Variants in DTX2 observed in about 807,000 individuals in gnomAD.
DTX2 encodes deltex E3 ubiquitin ligase 2, also known as probable E3 ubiquitin-protein ligase DTX2.
A neutral mutation model predicts 55.3 loss-of-function variants in DTX2; 29 were observed. That is an observed-to-expected ratio of 0.52 (90% CI 0.39 to 0.71). The LOEUF is 0.71. DTX2 is among the 30% of genes least tolerant of loss of function. The probability of loss-of-function intolerance (pLI) is 0.00; values close to 1 mark genes in which losing one functional copy is unlikely to be tolerated. For missense variants in DTX2, 537 were observed against 822.5 expected (o/e 0.65, Z 4.25); for synonymous variants, 276 against 340.4 (o/e 0.81, Z 2.08).
chr7:76,468,198 CT>C (rs1283666295), intron 2 of DTX2, among the ~76,000 whole-genome samples: 1 of 152,272 alleles, frequency 6.6e-6, no homozygotes, highest in Non-Finnish European at 1.5e-5. Flanking sequence ...GGCATGCTGC[CT>C]GCTGTGCTGT....
rs1184465937 is a variant in DTX2 at position 76,502,475 on chromosome 7, G to A, written c.1389+19G>A. The A allele has an allele frequency of 6.2e-7, 1 of 1,607,440 alleles. No homozygotes were observed. Among genetic ancestry groups the A allele is most frequent in the Non-Finnish European group, 8.5e-7 (1 of 1,177,690 alleles). On this transcript the variant is annotated intron_variant, in intron 8 of 10. Coordinates refer to ENST00000430490, the MANE Select transcript of DTX2 (RefSeq NM_001102594.3). ...CAATAAGGTGCCCCCACTGGCCCAGGGCGGAGGCGGGTGGCCCGCCCCCAC... is the reference window on the plus strand; with the variant it reads ...CAATAAGGTGCCCCCACTGGCCCAGAGCGGAGGCGGGTGGCCCGCCCCCAC...
At chr7:76,486,895 T>TGCTGCTG (rs1809984778) in intron 4 of DTX2, among the ~76,000 whole-genome samples, 1 of 44,468 alleles carries the variant, frequency 2.2e-5, no homozygotes, top group African/African-American at 1.1e-4. Context: ...TGCCCTTGCC[T>TGCTGCTG]CTAAAAGAAC....
At chr7:76,503,910 G>C (rs1364356805) in intron 9 of DTX2, among the ~76,000 whole-genome samples, 2 of 148,816 alleles carry the variant, frequency 1.3e-5, no homozygotes, top group African/African-American at 4.9e-5. Context: ...ACCCTGCGGA[G>C]GGGCTGGAGA....
intron 1 of DTX2, among the ~76,000 whole-genome samples, chr7:76,463,149 G>C (rs1176703260): frequency 1.4e-5 from 2 of 148,058 alleles, no homozygotes; most frequent in African/African-American, 2.5e-5. Flanking sequence ...GTGGTGACTC[G>C]AGCCTATAAT....
intron 2 of DTX2, among the ~76,000 whole-genome samples, chr7:76,468,926 C>G (rs2116178715): frequency 8.3e-6 from 1 of 120,262 alleles, no homozygotes; most frequent in Admixed American, 8.7e-5. Context: ...CTACGCCTGG[C>G]TCATCTTTGT....
chr7:76,471,200 C>T lies in DTX2; in HGVS notation c.-90+7491C>T, dbSNP rs528453859. 4.5e-3 allele frequency: 2,412 copies of T among 536,128 alleles called. 5 individuals carry two copies. In the African/African-American group the frequency reaches 0.051, roughly 11 times the overall value. 33.2% of individuals were successfully genotyped at this position (536,128 alleles called of 1,614,324 possible). A position where few individuals can be genotyped will look rare whatever the true frequency, so the allele number is the denominator to read the frequency against. On this transcript the variant is annotated intron_variant, in intron 2 of 10. Transcript: ENST00000430490. ...TTTTTGAGACGGAGTCTTGCTCTGT[C>T]GCCCAGGCTGGAGTGCAGTGGCGCG...
chr7:76,477,744 G>A (rs1808706273), intron 2 of DTX2, among the ~76,000 whole-genome samples: 1 of 135,998 alleles, frequency 7.4e-6, no homozygotes, highest in Non-Finnish European at 1.6e-5. Flanking sequence ...GGGCTGCAGT[G>A]AGTGGTGATT....
rs1294462961 is a variant in DTX2, at chr7:76,483,025, C to T, written c.786C>T (p.Asn262=). The change falls in exon 4 of 11, where the codon AAC becomes AAT. Residue 262 remains asparagine (N), a synonymous_variant. Transcript: ENST00000430490. The part of the protein sequence containing the change: ...LSGARSAPRL[N]TTNAWGAAPP... ...GGGCCCGGTCTGCGCCCAGGCTGAA[C>T]ACCACCAACGCCTGGGGCGCAGCTC... The T allele has an allele frequency of 1.1e-5, 17 of 1,613,450 alleles. No individual in the cohort carries two copies. Among genetic ancestry groups the T allele is most frequent in the Non-Finnish European group, 1.4e-5 (17 of 1,179,678 alleles).
chr7:76,466,713 C>T (rs185335562), intron 2 of DTX2, among the ~76,000 whole-genome samples: 139 of 152,382 alleles, frequency 9.1e-4, no homozygotes, highest in South Asian at 2.9e-3. Context: ...ATTCTCCTGC[C>T]TCAGACTCCG....
At chr7:76,467,984 G>A (rs1420208644) in intron 2 of DTX2, among the ~76,000 whole-genome samples, 1 of 152,300 alleles carries the variant, frequency 6.6e-6, no homozygotes, top group East Asian at 1.9e-4. Flanking sequence ...CTCGGGCAGG[G>A]CATCCCGAGG....
intron 4 of DTX2, among the ~76,000 whole-genome samples, chr7:76,484,276 G>A (rs1356712982): frequency 2.8e-5 from 3 of 106,760 alleles, no homozygotes; most frequent in African/African-American, 7.5e-5. Context: ...CCCAGGAGGT[G>A]GAGGTTGCAG....
At chr7:76,502,699 C>T (rs1811875173) in intron 8 of DTX2, 1 of 532,118 alleles carries the variant, frequency 1.9e-6, no homozygotes, top group African/African-American at 1.9e-5. Context: ...GTTCCCTCCA[C>T]CCCTCCAGCC....
intron 2 of DTX2, among the ~76,000 whole-genome samples, chr7:76,473,919 C>CT (rs1171335307): frequency 0.014 from 1,175 of 83,394 alleles, 32 homozygotes; most frequent in African/African-American, 0.049. Context: ...CTGTGTTTCA[C>CT]TTTTTTTTTT....
At chr7:76,481,425 G>T (rs368726061) in intron 3 of DTX2, among the ~76,000 whole-genome samples, 15 of 152,278 alleles carry the variant, frequency 9.9e-5, no homozygotes, top group Non-Finnish European at 2.2e-4. Context: ...GACCTCAGGT[G>T]ATCTGCCTGC....
intron 8 of DTX2, among the ~76,000 whole-genome samples, 166 bp downstream of exon 8, chr7:76,502,622 C>T (rs1379559955): frequency 6.6e-6 from 1 of 152,166 alleles, no homozygotes; most frequent in Admixed American, 6.5e-5. Context: ...GCCTGGCCGG[C>T]TCTCCTAGGC....
Position 76,483,062 on chromosome 7 carries a change from G to T in DTX2, c.823G>T (p.Gly275Trp). The T allele has an allele frequency of 6.2e-7, 1 of 1,613,266 alleles. No homozygotes were observed. The highest frequency in any genetic ancestry group is 8.5e-7 in the Non-Finnish European group (1 of 1,179,744). Reference sequence around the variant, plus strand: ...CTGGGGCGCAGCTCCTCCTTCCCTGGGGAGCCAGCCCCTCTACCGCTCCAG... The same window carrying T: ...CTGGGGCGCAGCTCCTCCTTCCCTGTGGAGCCAGCCCCTCTACCGCTCCAG... The part of the protein sequence containing the change: ...NAWGAAPPSL[G>W]SQPLYRSSLS... The change falls in exon 4 of 11, where the codon GGG becomes TGG. Residue 275 changes from glycine (G) to tryptophan (W), a missense_variant. Gly to Trp is a radical substitution (Grantham distance 184). Around this residue, in one of 7 missense-constraint regions of DTX2, gnomAD observed 301 missense variants for 396.6 expected, o/e 0.76. Coordinates refer to ENST00000430490, the MANE Select transcript of DTX2 (RefSeq NM_001102594.3).
Position 76,505,837 on chromosome 7 carries a change from G to A in DTX2, c.*236G>A, listed in dbSNP as rs192277062. 9.1e-5 allele frequency: 55 copies of A among 602,266 alleles called. No homozygotes were observed. The East Asian group carries it at 1.1e-3, about 12-fold the overall frequency. The allele number at this position is 602,266 out of a possible 1,614,324, so 37.3% of individuals were successfully genotyped here. A position where few individuals can be genotyped will look rare whatever the true frequency, so the allele number is the denominator to read the frequency against. On this transcript the variant is annotated 3_prime_UTR_variant, in exon 11 of 11. Transcript: ENST00000430490. The surrounding 1 kb of genome is among the most constrained non-coding windows in gnomAD (Gnocchi z 4.4). ...GCTTAGGATGCAGCTACCTCAGTGCGCAGGGCCCGTCTGTCCTCTGGGGGC... is the reference window on the plus strand; with the variant it reads ...GCTTAGGATGCAGCTACCTCAGTGCACAGGGCCCGTCTGTCCTCTGGGGGC...
intron 7 of DTX2, among the ~76,000 whole-genome samples, chr7:76,501,075 A>G (rs2690664): frequency 2.6e-4 from 38 of 144,982 alleles, no homozygotes; most frequent in African/African-American, 7.3e-4. Context: ...CTGAACCTCT[A>G]CTGAGCCACG....
At chr7:76,498,268 T>C (rs1224403610) in intron 6 of DTX2, among the ~76,000 whole-genome samples, 3 of 148,188 alleles carry the variant, frequency 2.0e-5, no homozygotes, top group Non-Finnish European at 3.0e-5. Flanking sequence ...GCGCCTGGCA[T>C]GCGGCAAGGG....
Sources: gnomAD v4.1 joint callset for allele counts (sites outside exome capture counted in the v4.1 genomes callset) on GRCh38, gnomAD v4.1.1 for gene constraint, gnomAD v4.1.1 regional missense constraint, Gnocchi (gnomAD v3.1) non-coding constraint, MANE v1.5 for transcripts, NCBI Gene and HGNC (gene_info 2026-07-23, HGNC 2026-07-21) for gene names.